Variants in ARHGAP19 observed in about 807,000 individuals in gnomAD.
ARHGAP19 encodes the protein Rho GTPase activating protein 19.
In ARHGAP19, 48 loss-of-function variants were observed where a neutral mutation model predicts 60.9. The ratio of observed to expected loss-of-function variants is 0.79; its 90% confidence interval spans 0.62 to 1.00. The LOEUF (loss-of-function observed/expected upper bound fraction) is 1.00, where lower values mean the gene tolerates loss of function less well. Among genes scored for constraint, ARHGAP19 ranks in the 50% least tolerant of loss-of-function variants. The pLI is 0.00. For missense variants in ARHGAP19, 562 were observed against 597.2 expected (o/e 0.94, Z 0.61); for synonymous variants, 209 against 215.5 (o/e 0.97, Z 0.27).
chr10:97,249,224 C>T (rs1010774064), intron 6 of ARHGAP19, among the ~76,000 whole-genome samples: 3 of 152,110 alleles, frequency 2.0e-5, no homozygotes, highest in Non-Finnish European at 4.4e-5. Flanking sequence ...TAGATTCCAG[C>T]AGGATTATCA....
Position 97,286,954 on chromosome 10 carries a change from G to A in ARHGAP19, c.56+5618C>T, listed in dbSNP as rs183713489. ...GTGGATAGTTTTTTTTGTTTTTGTTGTTGTTGTTGTTTGTACAGGGTCTCA... is the reference window on the plus strand; with the variant it reads ...GTGGATAGTTTTTTTTGTTTTTGTTATTGTTGTTGTTTGTACAGGGTCTCA... On this transcript the variant is annotated intron_variant, in intron 1 of 11. Coordinates refer to ENST00000358531, the MANE Select transcript of ARHGAP19 (RefSeq NM_032900.6). 3.7e-3 allele frequency among the ~76,000 whole-genome samples: 564 copies of A among 151,776 alleles called. 4 individuals carry two copies. Among genetic ancestry groups the A allele is most frequent in the African/African-American group, 0.013 (528 of 41,428 alleles).
intron 1 of ARHGAP19, among the ~76,000 whole-genome samples, chr10:97,284,057 C>T (rs1195015169): frequency 6.6e-6 from 1 of 151,976 alleles, no homozygotes; most frequent in East Asian, 1.9e-4. Context: ...CCTCATCCTC[C>T]CCAGTAGCTG....
chr10:97,269,123 C>A (rs903707825), intron 1 of ARHGAP19, among the ~76,000 whole-genome samples: 2 of 152,114 alleles, frequency 1.3e-5, no homozygotes, highest in Admixed American at 1.3e-4. Context: ...GTACCAAAGC[C>A]CTGTTCCAGG....
At chr10:97,289,404 G>C (rs955691842) in intron 1 of ARHGAP19, among the ~76,000 whole-genome samples, 2 of 152,054 alleles carry the variant, frequency 1.3e-5, no homozygotes, top group African/African-American at 4.8e-5. Context: ...GTGAGCCATC[G>C]CACCTGGCCC....
chr10:97,250,949 G>A (rs1254855442), intron 6 of ARHGAP19, among the ~76,000 whole-genome samples: 1 of 151,480 alleles, frequency 6.6e-6, no homozygotes, highest in Non-Finnish European at 1.5e-5. Context: ...ACCTGTCCCA[G>A]CTGCTTGGGA....
chr10:97,252,907 G>A (rs1008379972), intron 6 of ARHGAP19, among the ~76,000 whole-genome samples: 3 of 152,112 alleles, frequency 2.0e-5, no homozygotes, highest in African/African-American at 7.2e-5. Flanking sequence ...CAACGTAAGT[G>A]TCCATCAATG....
intron 2 of ARHGAP19, 106 bp downstream of exon 2, chr10:97,265,754 A>G (rs1842889794): frequency 6.8e-7 from 1 of 1,467,572 alleles, no homozygotes; most frequent in Non-Finnish European, 9.1e-7. Flanking sequence ...AAATGGCCAA[A>G]AAATGCTTTA....
intron 3 of ARHGAP19, among the ~76,000 whole-genome samples, chr10:97,263,875 C>T (rs1019389377): frequency 1.3e-5 from 2 of 152,102 alleles, no homozygotes; most frequent in African/African-American, 2.4e-5. Flanking sequence ...GTCATTCAAC[C>T]TCCTGAGGTA....
chr10:97,234,249 A>G (rs1224816611), intron 9 of ARHGAP19, among the ~76,000 whole-genome samples: 1 of 151,988 alleles, frequency 6.6e-6, no homozygotes, highest in Non-Finnish European at 1.5e-5. Context: ...CCTGGGCGAC[A>G]ACAGCGAGAC....
At chr10:97,229,123 A>T in intron 11 of ARHGAP19, 24 bp downstream of exon 11, 1 of 1,588,456 alleles carries the variant, frequency 6.3e-7, no homozygotes, top group South Asian at 1.1e-5. Flanking sequence ...TTTAGTAAGA[A>T]CAGAGAGTAA....
chr10:97,251,241 A>G (rs1263612457), intron 6 of ARHGAP19, among the ~76,000 whole-genome samples: 2 of 16,998 alleles, frequency 1.2e-4, no homozygotes, highest in African/African-American at 2.8e-4. Flanking sequence ...GGGAAGGGGA[A>G]GGGAAGGGGG....
chr10:97,230,017 CT>C, intron 9 of ARHGAP19, 143 bp from the exon 10 acceptor site: 6 of 610,862 alleles, frequency 9.8e-6, no homozygotes, highest in Middle Eastern at 4.2e-4. Flanking sequence ...CTCAGGCCAT[CT>C]TATACAAGAG....
chr10:97,268,854 T>C (rs1176182729), intron 1 of ARHGAP19, among the ~76,000 whole-genome samples: 2 of 152,204 alleles, frequency 1.3e-5, no homozygotes, highest in African/African-American at 4.8e-5. Context: ...AATATGTTGT[T>C]ATATTTAAGA....
intron 1 of ARHGAP19, among the ~76,000 whole-genome samples, chr10:97,266,901 AG>A (rs1188335284): frequency 1.3e-5 from 2 of 152,142 alleles, no homozygotes; most frequent in African/African-American, 4.8e-5. Flanking sequence ...ATTCAAAATG[AG>A]ATTTGGGTGG....
rs760342969 is a variant in ARHGAP19 at position 97,259,448 on chromosome 10, T to C, written c.794A>G (p.Tyr265Cys). The C allele has an allele frequency of 1.2e-6, 2 of 1,614,192 alleles. No individual in the cohort carries two copies. Among genetic ancestry groups the C allele is most frequent in the African/African-American group, 1.3e-5 (1 of 75,060 alleles). Residue 265 changes from tyrosine (Y) to cysteine (C), a missense_variant, in exon 5 of 12, where the codon TAT becomes TGT. Physicochemically the swap from Tyr to Cys is radical, Grantham distance 194 (BLOSUM62 -2). Coordinates refer to ENST00000358531, the MANE Select transcript of ARHGAP19 (RefSeq NM_032900.6). The part of the protein sequence containing the change: ...KKQDKNKMSA[Y>C]NLALMFAPHV... ...GGGTGCAAACATAAGGGCAAGGTTATAGGCTGACATCTTGTTCTTGTCTTG... is the reference window on the plus strand; with the variant it reads ...GGGTGCAAACATAAGGGCAAGGTTACAGGCTGACATCTTGTTCTTGTCTTG...
intron 7 of ARHGAP19, among the ~76,000 whole-genome samples, chr10:97,245,692 G>A (rs1428507357): frequency 6.6e-6 from 1 of 151,436 alleles, no homozygotes; most frequent in East Asian, 1.9e-4. Context: ...GTGGTCTCAA[G>A]TCTTTTAGCC....
intron 8 of ARHGAP19, among the ~76,000 whole-genome samples, chr10:97,242,226 AAG>A (rs1434088290): frequency 6.6e-6 from 1 of 150,762 alleles, no homozygotes; most frequent in Non-Finnish European, 1.5e-5. Flanking sequence ...CACTGGCAGG[AAG>A]AGTGATTTGC....
chr10:97,243,303 T>C (rs1176481076), intron 8 of ARHGAP19, among the ~76,000 whole-genome samples: 2 of 152,166 alleles, frequency 1.3e-5, no homozygotes, highest in Non-Finnish European at 2.9e-5. Context: ...CCCTGCCTGC[T>C]CAGGTAAAAT....
chr10:97,288,016 C>T (rs1301725038), intron 1 of ARHGAP19, among the ~76,000 whole-genome samples: 4 of 151,998 alleles, frequency 2.6e-5, no homozygotes, highest in Admixed American at 6.6e-5. Context: ...GAGCCAAGAT[C>T]GTGCCATTGC....
Sources: gnomAD v4.1 joint callset for allele counts (sites outside exome capture counted in the v4.1 genomes callset) on GRCh38, gnomAD v4.1.1 for gene constraint, MANE v1.5 for transcripts, NCBI Gene and HGNC (gene_info 2026-07-23, HGNC 2026-07-21) for gene names.